Variants in GRM5 observed in about 807,000 individuals in gnomAD.
The protein encoded by GRM5 is metabotropic glutamate receptor 5.
A neutral mutation model predicts 83.1 loss-of-function variants in GRM5; 19 were observed. The ratio of observed to expected loss-of-function variants is 0.23; its 90% confidence interval spans 0.16 to 0.34. The LOEUF (loss-of-function observed/expected upper bound fraction) is 0.34. GRM5 is among the 10% of genes least tolerant of loss of function. GRM5 has a pLI of 1.00. For synonymous variants in GRM5, 675 were observed against 633.6 expected (o/e 1.07, Z -0.98); for missense variants, 1,160 against 1,588.3 (o/e 0.73, Z 4.58).
intron 7 of GRM5, among the ~76,000 whole-genome samples, chr11:88,577,764 C>A (rs1943143420): frequency 6.6e-6 from 1 of 151,966 alleles, no homozygotes; most frequent in African/African-American, 2.4e-5. Context: ...AAGGAAACAG[C>A]CAAAATGCAA....
chr11:88,717,325 A>G (rs973898175), intron 3 of GRM5, among the ~76,000 whole-genome samples: 1 of 151,942 alleles, frequency 6.6e-6, no homozygotes, highest in Non-Finnish European at 1.5e-5. Flanking sequence ...GATAAATGAC[A>G]TTTGTTAATC....
At chr11:88,650,608 T>C (rs891592226) in intron 4 of GRM5, among the ~76,000 whole-genome samples, 1 of 151,994 alleles carries the variant, frequency 6.6e-6, no homozygotes. Context: ...CAATTGATAT[T>C]GGATTACATA....
intron 1 of GRM5, among the ~76,000 whole-genome samples, chr11:89,058,218 T>C (rs768610801): frequency 6.6e-6 from 1 of 152,200 alleles, no homozygotes; most frequent in East Asian, 1.9e-4. Context: ...CAAGTAAATA[T>C]AGGAAACTCT....
intron 4 of GRM5, among the ~76,000 whole-genome samples, chr11:88,638,672 C>G (rs904863814): frequency 1.3e-5 from 2 of 151,970 alleles, no homozygotes; most frequent in African/African-American, 4.8e-5. Flanking sequence ...AAATATAGGA[C>G]CATTCATATT....
At position 88,939,533 on chromosome 11, in the gene GRM5, A is replaced by G. The variant is rs189615563; in HGVS notation, c.662-89378T>C. Among the ~76,000 whole-genome samples, 8 of 151,948 alleles carry G rather than the reference A, an allele frequency of 5.3e-5. No individual in the cohort carries two copies. In the Admixed American group the frequency reaches 5.3e-4, roughly 10 times the overall value. On this transcript the variant is annotated intron_variant, in intron 2 of 9. Transcript: ENST00000305447. ...GAAATCATGATCATTTTTCTTTAGT[A>G]ATTCTCACTTGGCCTTTTAACGATA... is the stretch of plus-strand genomic sequence containing the variant.
chr11:88,930,857 A>G (rs1477163623), intron 2 of GRM5, among the ~76,000 whole-genome samples: 2 of 152,018 alleles, frequency 1.3e-5, no homozygotes, highest in Admixed American at 6.6e-5. Context: ...TCGGCCTCAT[A>G]TTGCCAACTC....
intron 3 of GRM5, among the ~76,000 whole-genome samples, chr11:88,796,861 G>C (rs1210133103): frequency 2.7e-5 from 4 of 150,548 alleles, no homozygotes; most frequent in South Asian, 2.1e-4. Context: ...ATTTCTTTTT[G>C]TGATTACCTA....
chr11:88,936,110 G>A (rs1326671760), intron 2 of GRM5, among the ~76,000 whole-genome samples: 1 of 151,840 alleles, frequency 6.6e-6, no homozygotes, highest in African/African-American at 2.4e-5. Flanking sequence ...AGGCAGGTGT[G>A]AAAAGTGTGT....
chr11:88,685,573 T>A (rs905747790), intron 3 of GRM5, among the ~76,000 whole-genome samples: 1 of 152,138 alleles, frequency 6.6e-6, no homozygotes, highest in Admixed American at 6.5e-5. Flanking sequence ...ATGTCAGAGA[T>A]CTTCATGGCA....
chr11:88,825,657 C>G (rs1188930000), intron 3 of GRM5, among the ~76,000 whole-genome samples: 2 of 152,108 alleles, frequency 1.3e-5, no homozygotes, highest in Non-Finnish European at 2.9e-5. Context: ...ATGAATAAAT[C>G]TCTCAAAATA....
intron 7 of GRM5, among the ~76,000 whole-genome samples, chr11:88,588,951 AATAAT>A (rs1390752803): frequency 3.9e-5 from 6 of 152,168 alleles, no homozygotes; most frequent in Non-Finnish European, 8.8e-5. Context: ...TGGAAATAGT[AATAAT>A]AAAATATTTA....
intron 3 of GRM5, among the ~76,000 whole-genome samples, chr11:88,800,950 C>T (rs1372179550): frequency 6.6e-6 from 1 of 152,042 alleles, no homozygotes; most frequent in Non-Finnish European, 1.5e-5. Flanking sequence ...TCAGGGCATA[C>T]CATTCAAACA....
At chr11:88,928,470 A>G (rs1405721070) in intron 2 of GRM5, among the ~76,000 whole-genome samples, 226 of 21,640 alleles carry the variant, frequency 0.01, 1 homozygote, top group Non-Finnish European at 0.02. Flanking sequence ...GTGTGTATAT[A>G]TATATATATA....
At chr11:88,718,359 T>C (rs1941445718) in intron 3 of GRM5, among the ~76,000 whole-genome samples, 1 of 151,930 alleles carries the variant, frequency 6.6e-6, no homozygotes, top group Non-Finnish European at 1.5e-5. Flanking sequence ...AAATACGTGA[T>C]CTTCTTTCAC....
intron 4 of GRM5, among the ~76,000 whole-genome samples, chr11:88,608,101 A>T (rs1321083018): frequency 2.0e-5 from 3 of 152,026 alleles, no homozygotes; most frequent in Non-Finnish European, 2.9e-5. Flanking sequence ...GACTCCATCC[A>T]CCCTAGGCAG....
rs193215934 is a variant in GRM5, at chr11:89,021,606, C to T, written c.661+25606G>A. Among the ~76,000 whole-genome samples, 9 of 152,236 alleles carry T rather than the reference C, an allele frequency of 5.9e-5. No individual in the cohort carries two copies. In the East Asian group the frequency reaches 1.5e-3, roughly 26 times the overall value. ...ACTAAAAAACTGCAGCTCAAATTCC[C>T]GTGATCCCTTGAAAAAACTGGAGAC... On this transcript the variant is annotated intron_variant, in intron 2 of 9. Coordinates refer to ENST00000305447, the MANE Select transcript of GRM5 (RefSeq NM_001143831.3).
chr11:88,641,493 A>G (rs1330177836), intron 4 of GRM5, among the ~76,000 whole-genome samples: 1 of 152,088 alleles, frequency 6.6e-6, no homozygotes, highest in African/African-American at 2.4e-5. Context: ...CATCAACCCA[A>G]TCAGCAGTCC....
At chr11:88,791,592 C>T (rs997113532) in intron 3 of GRM5, among the ~76,000 whole-genome samples, 1 of 151,990 alleles carries the variant, frequency 6.6e-6, no homozygotes, top group Non-Finnish European at 1.5e-5. Context: ...ACAAGGACAG[C>T]CCTTTTTGTT....
At chr11:88,696,654 AT>A (rs1182305804) in intron 3 of GRM5, among the ~76,000 whole-genome samples, 1 of 152,198 alleles carries the variant, frequency 6.6e-6, no homozygotes, top group Non-Finnish European at 1.5e-5. Flanking sequence ...TGCTGGGAAA[AT>A]TATGTAACAT....
Sources: allele counts gnomAD v4.1 joint callset (sites outside exome capture counted in the v4.1 genomes callset), GRCh38; gene constraint gnomAD v4.1.1; transcripts MANE v1.5; gene names NCBI Gene and HGNC (gene_info 2026-07-23, HGNC 2026-07-21).